IPO11: variants seen among roughly 807,000 people sequenced by gnomAD.
IPO11 encodes importin 11.
IPO11 carries 66 observed loss-of-function variants against 143.2 expected under a neutral mutation model. The observed-to-expected ratio is 0.46, with a 90% CI of 0.38 to 0.57. IPO11 has a LOEUF of 0.57. Ranked by LOEUF, IPO11 falls within the 20% of genes least tolerant of loss-of-function variation. The pLI, the probability that IPO11 is intolerant of heterozygous loss-of-function variation, is 0.00. For synonymous variants in IPO11, 385 were observed against 377.8 expected (o/e 1.02, Z -0.22); for missense variants, 1,026 against 1,141.0 (o/e 0.90, Z 1.45).
At chr5:62,514,552 G>A (rs1741928831) in intron 19 of IPO11, among the ~76,000 whole-genome samples, 1 of 148,998 alleles carries the variant, frequency 6.7e-6, no homozygotes, top group Non-Finnish European at 1.5e-5. Flanking sequence ...GTACAGTCCA[G>A]CTTTGGCCCG....
chr5:62,501,987 A>T (rs1469023090), intron 16 of IPO11, among the ~76,000 whole-genome samples: 1 of 152,164 alleles, frequency 6.6e-6, no homozygotes, highest in Non-Finnish European at 1.5e-5. Context: ...CAAGATGTAA[A>T]AGTGGTCAGG....
At chr5:62,422,432 G>A (rs566798521) in intron 1 of IPO11, 1 of 152,392 alleles carries the variant, frequency 6.6e-6, no homozygotes, top group East Asian at 1.9e-4. Context: ...GCCAGAGAAG[G>A]ACCTTTAAAA....
chr5:62,429,799 A>G (rs1278677292), intron 1 of IPO11, among the ~76,000 whole-genome samples: 6 of 151,602 alleles, frequency 4.0e-5, no homozygotes, highest in African/African-American at 1.2e-4. Context: ...AATTTTTTGT[A>G]TTTTTAGTAG....
intron 29 of IPO11, among the ~76,000 whole-genome samples, chr5:62,623,645 CTT>C (rs34547621): frequency 3.4e-4 from 46 of 134,194 alleles, no homozygotes; most frequent in African/African-American, 6.3e-4. Flanking sequence ...TCTTCTTTTT[CTT>C]TTTTTTTTTT....
At chr5:62,517,753 A>T (rs1176065107) in intron 20 of IPO11, among the ~76,000 whole-genome samples, 1 of 152,140 alleles carries the variant, frequency 6.6e-6, no homozygotes, top group African/African-American at 2.4e-5. Context: ...GAGACATGTA[A>T]CTAAACACCA....
rs185375617 is a variant in IPO11 at position 62,484,253 on chromosome 5, C to T, written c.1174+91C>T. On this transcript the variant is annotated intron_variant, in intron 11 of 29. Coordinates refer to ENST00000325324, the MANE Select transcript of IPO11 (RefSeq NM_016338.5). Reference sequence around the variant, plus strand: ...ATAGGTATAATATTGTATTTTCATACAGCACTTTTGATCTGGAAATCTTGG... The same window carrying T: ...ATAGGTATAATATTGTATTTTCATATAGCACTTTTGATCTGGAAATCTTGG... The T allele has an allele frequency of 1.4e-4, 144 of 1,045,968 alleles. 1 individual carries two copies. In the Admixed American group the frequency reaches 2.2e-3, roughly 16 times the overall value. The allele number at this position is 1,045,968 out of a possible 1,614,324, so 64.8% of individuals were successfully genotyped here. A position where few individuals can be genotyped will look rare whatever the true frequency, so the allele number is the denominator to read the frequency against.
intron 20 of IPO11, among the ~76,000 whole-genome samples, chr5:62,518,024 C>T (rs747235631): frequency 2.6e-5 from 4 of 151,848 alleles, no homozygotes; most frequent in Non-Finnish European, 4.4e-5. Flanking sequence ...TATTGGTTGG[C>T]CAGGCACTGT....
chr5:62,514,063 C>G (rs1345580254), intron 19 of IPO11, among the ~76,000 whole-genome samples: 1 of 151,128 alleles, frequency 6.6e-6, no homozygotes, highest in Non-Finnish European at 1.5e-5. Context: ...TCCTCACTTC[C>G]CAGGTGGGAT....
At chr5:62,541,902 G>T (rs1378530453) in intron 24 of IPO11, among the ~76,000 whole-genome samples, 1 of 152,004 alleles carries the variant, frequency 6.6e-6, no homozygotes, top group East Asian at 1.9e-4. Flanking sequence ...TTATGATTAG[G>T]ATACAGATAC....
chr5:62,460,635 A>C (rs1413164612), intron 5 of IPO11, among the ~76,000 whole-genome samples: 1 of 152,210 alleles, frequency 6.6e-6, no homozygotes, highest in South Asian at 2.1e-4. Context: ...CTTTGGAGTC[A>C]AGGCTTTGGG....
chr5:62,459,569 G>A (rs77077176), intron 5 of IPO11, among the ~76,000 whole-genome samples: 1 of 138,034 alleles, frequency 7.2e-6, no homozygotes, highest in Non-Finnish European at 1.6e-5. Context: ...TTTTTTTTTT[G>A]AGACGGAGTC....
At position 62,487,847 on chromosome 5, in the gene IPO11, T is replaced by C; in HGVS notation, c.1295T>C (p.Met432Thr). The change falls in exon 13 of 30, where the codon ATG becomes ACG. Residue 432 changes from methionine (M) to threonine (T), a missense_variant. Met to Thr is a moderately conservative substitution (Grantham distance 81). This residue lies in a region of IPO11 where 237 missense variants were observed against 288.0 expected (regional missense o/e 0.82). Coordinates refer to ENST00000325324, the MANE Select transcript of IPO11 (RefSeq NM_016338.5). ...CTTACTCCTGTACTTCTAGAAATGA[T>C]GCAAACACTTCAAGGTAAGGCATAT... ...QTLTPVLLEMMQTLQGPTNVE... is the reference protein window; with the variant it reads ...QTLTPVLLEMTQTLQGPTNVE... 1 of 1,609,274 alleles carries C rather than the reference T, an allele frequency of 6.2e-7. No homozygotes were observed. Among genetic ancestry groups the C allele is most frequent in the African/African-American group, 1.3e-5 (1 of 74,782 alleles).
At chr5:62,519,818 G>C (rs556782486) in intron 20 of IPO11, among the ~76,000 whole-genome samples, 1 of 152,198 alleles carries the variant, frequency 6.6e-6, no homozygotes, top group Admixed American at 6.5e-5. Context: ...CTTCGCTGGA[G>C]GCTTTGGGGA....
At chr5:62,608,084 G>T (rs898032205) in intron 29 of IPO11, among the ~76,000 whole-genome samples, 3 of 152,120 alleles carry the variant, frequency 2.0e-5, no homozygotes, top group Non-Finnish European at 4.4e-5. Context: ...CTCCCAAAGT[G>T]CTGGGATTAC....
chr5:62,546,646 G>T (rs1743203450), intron 24 of IPO11, among the ~76,000 whole-genome samples: 1 of 152,084 alleles, frequency 6.6e-6, no homozygotes, highest in Non-Finnish European at 1.5e-5. Context: ...TTTCGAAAGG[G>T]AATGGGTTTA....
At chr5:62,526,086 G>A in intron 20 of IPO11, 56 bp from the exon 21 acceptor site, 3 of 1,103,858 alleles carry the variant, frequency 2.7e-6, no homozygotes, top group East Asian at 2.4e-5. Context: ...TAATTTTTTG[G>A]TGCGGGATGG....
chr5:62,621,800 T>G (rs1206717131), intron 29 of IPO11, among the ~76,000 whole-genome samples: 7 of 152,122 alleles, frequency 4.6e-5, no homozygotes, highest in Non-Finnish European at 1.0e-4. Context: ...ATTTGAGGAA[T>G]CCTTTGGAAT....
intron 27 of IPO11, among the ~76,000 whole-genome samples, chr5:62,565,031 G>C (rs982022908): frequency 6.6e-6 from 1 of 152,166 alleles, no homozygotes; most frequent in Non-Finnish European, 1.5e-5. Context: ...AGGTCAAACT[G>C]TCTACATAGA....
chr5:62,467,304 C>G, intron 6 of IPO11, 41 bp downstream of exon 6: 1 of 1,572,424 alleles, frequency 6.4e-7, no homozygotes, highest in Non-Finnish European at 8.6e-7. Flanking sequence ...AAATGAGATA[C>G]CTCAGAACAG....
Sources: allele counts gnomAD v4.1 joint callset (sites outside exome capture counted in the v4.1 genomes callset), GRCh38; gene constraint gnomAD v4.1.1; regional missense constraint gnomAD v4.1.1; transcripts MANE v1.5; gene names NCBI Gene and HGNC (gene_info 2026-07-23, HGNC 2026-07-21).